The following GLB1L3 variants were observed in gnomAD, a reference collection of about 807,000 sequenced individuals.
GLB1L3 encodes the protein beta-galactosidase-1-like protein 3.
In GLB1L3, 89 loss-of-function variants were observed where a neutral mutation model predicts 89.5. That is an observed-to-expected ratio of 0.99 (90% CI 0.84 to 1.19). The LOEUF (loss-of-function observed/expected upper bound fraction) is 1.19. Ranked by LOEUF, GLB1L3 falls within the 50% of genes most tolerant of loss-of-function variation. The pLI, the probability that GLB1L3 is intolerant of heterozygous loss-of-function variation, is 0.00. For synonymous variants in GLB1L3, 314 were observed against 312.3 expected (o/e 1.01, Z -0.06); for missense variants, 812 against 813.3 (o/e 1.00, Z 0.02).
chr11:134,301,865 T>A (rs2136180777), intron 9 of GLB1L3, among the ~76,000 whole-genome samples: 1 of 152,342 alleles, frequency 6.6e-6, no homozygotes, highest in Non-Finnish European at 1.5e-5. Context: ...AGTTAATTTT[T>A]AAATTTTCAG....
At chr11:134,278,058 T>G (rs1439193986) in intron 3 of GLB1L3, 146 bp downstream of exon 3, 2 of 754,414 alleles carry the variant, frequency 2.7e-6, no homozygotes, top group Non-Finnish European at 4.4e-6. Flanking sequence ...TGCTTAAGCG[T>G]CCAGCTGTCA....
At position 134,310,983 on chromosome 11, in the gene GLB1L3, A is replaced by T. The variant is rs1942702828; in HGVS notation, c.1181-81A>T. 1.5e-5 allele frequency: 14 copies of T among 960,906 alleles called. No homozygotes were observed. The South Asian group carries it at 1.8e-4, about 13-fold the overall frequency. 59.5% of individuals were successfully genotyped at this position (960,906 alleles called of 1,614,324 possible). A position where few individuals can be genotyped will look rare whatever the true frequency, so the allele number is the denominator to read the frequency against. On this transcript the variant is annotated intron_variant, in intron 12 of 19. Coordinates refer to ENST00000431683, the MANE Select transcript of GLB1L3 (RefSeq NM_001080407.3). ...AACCCCCAATATGAAAGGAAAAGCC[A>T]TGCTGGATAGGCATGGGGGGCTTAG...
At chr11:134,284,997 T>C (rs538419403) in intron 6 of GLB1L3, among the ~76,000 whole-genome samples, 73 of 147,642 alleles carry the variant, frequency 4.9e-4, no homozygotes, top group African/African-American at 1.7e-3. Context: ...GGCTTGATCT[T>C]GGCTCACTGC....
At chr11:134,277,629 G>A in intron 2 of GLB1L3, 71 bp from the exon 3 acceptor site, 1 of 1,539,304 alleles carries the variant, frequency 6.5e-7, no homozygotes, top group South Asian at 1.2e-5. Flanking sequence ...TAGGGTTTCA[G>A]CCGTGCCTCC....
intron 4 of GLB1L3, among the ~76,000 whole-genome samples, 152 bp from the exon 5 acceptor site, chr11:134,281,873 C>T (rs1002815037): frequency 1.4e-5 from 2 of 147,838 alleles, no homozygotes; most frequent in East Asian, 2.0e-4. Context: ...CTCAGGCCAC[C>T]GACCTGGTGT....
Position 134,293,219 on chromosome 11 carries a change from T to C in GLB1L3, c.876+10T>C, listed in dbSNP as rs371291067. ...GCTTCATAAAGTCCAGGTAAGACAT[T>C]TCAGACAGGCAGGGTTTTACAGCTC... On this transcript the variant is annotated intron_variant, in intron 9 of 19. Coordinates refer to ENST00000431683, the MANE Select transcript of GLB1L3 (RefSeq NM_001080407.3). 6 of 1,611,386 alleles carry C rather than the reference T, an allele frequency of 3.7e-6. No homozygotes were observed. The highest frequency in any genetic ancestry group is 5.1e-6 in the Non-Finnish European group (6 of 1,177,840).
At position 134,277,894 on chromosome 11, in the gene GLB1L3, G is replaced by A. The variant is rs1443693033; in HGVS notation, c.344G>A (p.Gly115Asp). The change falls in exon 3 of 20, where the codon GGC becomes GAC. Residue 115 changes from glycine (G) to aspartate (D), a missense_variant. Coordinates refer to ENST00000431683, the MANE Select transcript of GLB1L3 (RefSeq NM_001080407.3). Reference sequence around the variant, plus strand: ...CGCCTGCTGAAGCTGAAGGCCTGTGGCTTCAATACTGTCACCACGTGAGTG... The same window carrying A: ...CGCCTGCTGAAGCTGAAGGCCTGTGACTTCAATACTGTCACCACGTGAGTG... Reference protein sequence around the residue: ...RDRLLKLKACGFNTVTTYVPW... With the variant: ...RDRLLKLKACDFNTVTTYVPW... The A allele has an allele frequency of 1.9e-6, 3 of 1,613,954 alleles. No homozygotes were observed. The highest frequency in any genetic ancestry group is 2.5e-6 in the Non-Finnish European group (3 of 1,179,950).
chr11:134,303,135 G>C (rs2136184505), intron 9 of GLB1L3, among the ~76,000 whole-genome samples: 1 of 152,274 alleles, frequency 6.6e-6, no homozygotes, highest in Non-Finnish European at 1.5e-5. Context: ...ACTTTTGTCT[G>C]TCATTGATAT....
chr11:134,294,834 A>G (rs1282620626), intron 9 of GLB1L3, among the ~76,000 whole-genome samples: 1 of 152,150 alleles, frequency 6.6e-6, no homozygotes, highest in Non-Finnish European at 1.5e-5. Context: ...ATTTCCTTCA[A>G]TAGCTGACTG....
Position 134,282,024 on chromosome 11 carries a change from G to A in GLB1L3, c.432-1G>A. 6 of 1,569,532 alleles carry A rather than the reference G, an allele frequency of 3.8e-6. No homozygotes were observed. Among genetic ancestry groups the A allele is most frequent in the Non-Finnish European group, 5.2e-6 (6 of 1,153,924 alleles). On this transcript the variant is annotated splice_acceptor_variant, in intron 4 of 19. Coordinates refer to ENST00000431683, the MANE Select transcript of GLB1L3 (RefSeq NM_001080407.3). LOFTEE classifies it high-confidence loss of function. ...GGGGCTGACGATGTGGACCTCCCTA[G>A]GGCCTTCGTCCTGATGGCCGCAGAG...
At chr11:134,324,949 C>T in the GLB1L3 span, among the ~76,000 whole-genome samples, 1 of 151,790 alleles carries the variant, frequency 6.6e-6, no homozygotes, top group Non-Finnish European at 1.5e-5. Context: ...ATATTTTATA[C>T]TACATTTTAT....
chr11:134,307,505 A>G (rs1440684416), intron 10 of GLB1L3, among the ~76,000 whole-genome samples: 1 of 152,234 alleles, frequency 6.6e-6, no homozygotes, highest in Non-Finnish European at 1.5e-5. Context: ...GTGCAGTGAT[A>G]GAAAAGACAG....
chr11:134,288,953 T>G, intron 7 of GLB1L3, 63 bp downstream of exon 7: 1 of 1,135,194 alleles, frequency 8.8e-7, no homozygotes, highest in Non-Finnish European at 1.3e-6. Flanking sequence ...GCGTTTCTGA[T>G]TCCTGGATGC....
intron 9 of GLB1L3, among the ~76,000 whole-genome samples, chr11:134,301,949 T>G (rs1941968226): frequency 6.6e-6 from 1 of 152,110 alleles, no homozygotes; most frequent in South Asian, 2.1e-4. Context: ...TTCAAACTTT[T>G]GTAAATTGTT....
intron 9 of GLB1L3, among the ~76,000 whole-genome samples, chr11:134,294,075 T>C (rs988696436): frequency 4.6e-5 from 7 of 152,066 alleles, no homozygotes; most frequent in Non-Finnish European, 8.8e-5. Flanking sequence ...TCAATTTCTT[T>C]TTTTTTTTGA....
At chr11:134,290,852 G>C (rs1941318825) in intron 7 of GLB1L3, among the ~76,000 whole-genome samples, 1 of 152,080 alleles carries the variant, frequency 6.6e-6, no homozygotes. Context: ...TTCCAGCACA[G>C]AGTGGTTCCC....
chr11:134,309,285 T>A (rs1942599418), intron 10 of GLB1L3, among the ~76,000 whole-genome samples: 1 of 152,194 alleles, frequency 6.6e-6, no homozygotes, highest in African/African-American at 2.4e-5. Flanking sequence ...TCTGCCTATT[T>A]TTTTGTTGGA....
chr11:134,277,632 G>A, intron 2 of GLB1L3, 68 bp from the exon 3 acceptor site: 1 of 1,537,936 alleles, frequency 6.5e-7, no homozygotes, highest in South Asian at 1.2e-5. Flanking sequence ...GGTTTCAGCC[G>A]TGCCTCCGAG....
intron 16 of GLB1L3, 66 bp downstream of exon 16, chr11:134,313,540 C>T (rs1024176534): frequency 3.2e-5 from 16 of 507,462 alleles, no homozygotes; most frequent in South Asian, 7.8e-5. Flanking sequence ...GCACTGGAGT[C>T]GGGGGCGGGA....
Sources: gnomAD v4.1 joint callset for allele counts (sites outside exome capture counted in the v4.1 genomes callset) on GRCh38, gnomAD v4.1.1 for gene constraint, MANE v1.5 for transcripts, NCBI Gene and HGNC (gene_info 2026-07-23, HGNC 2026-07-21) for gene names.